The following ENOPH1 variants were observed in gnomAD, a reference collection of about 807,000 sequenced individuals.
ENOPH1 encodes enolase-phosphatase 1.
ENOPH1 carries 14 observed loss-of-function variants against 31.1 expected under a neutral mutation model. The observed-to-expected ratio is 0.45, with a 90% CI of 0.30 to 0.70. ENOPH1 has a LOEUF of 0.70. Among genes scored for constraint, ENOPH1 ranks in the 30% least tolerant of loss-of-function variants. The probability of loss-of-function intolerance (pLI) is 0.09; values close to 1 mark genes in which losing one functional copy is unlikely to be tolerated. For synonymous variants in ENOPH1, 127 were observed against 123.2 expected (o/e 1.03, Z -0.21); for missense variants, 243 against 321.5 (o/e 0.76, Z 1.87).
chr4:82,440,437 G>C (rs1722009257), intron 1 of ENOPH1, among the ~76,000 whole-genome samples: 1 of 152,180 alleles, frequency 6.6e-6, no homozygotes, highest in Non-Finnish European at 1.5e-5. Flanking sequence ...ATAGGCCTGG[G>C]TTTGAGTCCT....
chr4:82,430,767 C>T lies in ENOPH1; in HGVS notation c.-63C>T. ...AAGACGGTACCGGGGGCCGCAGCCG[C>T]AGCCGGCGCCGCCCTCCGCCCTCCC... On this transcript the variant is annotated 5_prime_UTR_variant, in exon 1 of 6. Transcript: ENST00000273920. 6.5e-7 allele frequency: 1 copy of T among 1,527,226 alleles called. No homozygotes were observed. The highest frequency in any genetic ancestry group is 9.1e-7 in the Non-Finnish European group (1 of 1,103,756). 94.6% of individuals were successfully genotyped at this position (1,527,226 alleles called of 1,614,324 possible).
intron 1 of ENOPH1, among the ~76,000 whole-genome samples, chr4:82,446,893 A>G (rs1722205737): frequency 6.8e-6 from 1 of 147,084 alleles, no homozygotes; most frequent in Non-Finnish European, 1.5e-5. Flanking sequence ...TTTTTAGTAG[A>G]GACGGGGTTT....
chr4:82,433,650 A>G (rs1721832892), intron 1 of ENOPH1, among the ~76,000 whole-genome samples: 2 of 152,212 alleles, frequency 1.3e-5, no homozygotes, highest in South Asian at 4.1e-4. Context: ...CATTAAATGC[A>G]CTTTTGGGAA....
chr4:82,459,295 G>A (rs181671264), intron 5 of ENOPH1, among the ~76,000 whole-genome samples: 22 of 152,048 alleles, frequency 1.4e-4, no homozygotes, highest in Non-Finnish European at 2.5e-4. Flanking sequence ...TCTTCTTTGT[G>A]TTTTTATTTT....
chr4:82,445,331 G>C (rs904521802), intron 1 of ENOPH1, among the ~76,000 whole-genome samples: 7 of 152,152 alleles, frequency 4.6e-5, no homozygotes, highest in Admixed American at 1.3e-4. Context: ...TTCTCAATAA[G>C]TATGTTGAAA....
chr4:82,456,812 C>A, intron 4 of ENOPH1, 103 bp from the exon 5 acceptor site: 2 of 1,412,982 alleles, frequency 1.4e-6, no homozygotes, highest in South Asian at 1.5e-5. Flanking sequence ...TCAGAAAATA[C>A]TGAACGAATG....
chr4:82,448,260 T>C (rs1396021150), intron 2 of ENOPH1, among the ~76,000 whole-genome samples: 2 of 132,750 alleles, frequency 1.5e-5, no homozygotes, highest in Admixed American at 1.4e-4. Context: ...TGTTTTGTTT[T>C]GTTTTTTTTG....
At chr4:82,445,413 T>A (rs2110041695) in intron 1 of ENOPH1, among the ~76,000 whole-genome samples, 1 of 152,338 alleles carries the variant, frequency 6.6e-6, no homozygotes, top group East Asian at 1.9e-4. Flanking sequence ...ACTTTTGCAC[T>A]AAAATAGTAC....
intron 4 of ENOPH1, among the ~76,000 whole-genome samples, chr4:82,455,742 T>C (rs571021617): frequency 2.4e-4 from 36 of 151,784 alleles, no homozygotes; most frequent in Admixed American, 6.6e-4. Context: ...GCTGAGATCG[T>C]GCCACTGCAC....
intron 3 of ENOPH1, among the ~76,000 whole-genome samples, chr4:82,453,686 G>T (rs1436106922): frequency 6.6e-6 from 1 of 152,162 alleles, no homozygotes; most frequent in Admixed American, 6.5e-5. Context: ...TTTTAGAGAT[G>T]ACTGGTTCTA....
chr4:82,442,241 C>G (rs1254499322), intron 1 of ENOPH1, among the ~76,000 whole-genome samples: 1 of 152,166 alleles, frequency 6.6e-6, no homozygotes, highest in Admixed American at 6.5e-5. Context: ...TGTCAGCAGG[C>G]CAGCTTGGTG....
chr4:82,439,461 A>G (rs570430897), intron 1 of ENOPH1, among the ~76,000 whole-genome samples: 2 of 152,312 alleles, frequency 1.3e-5, no homozygotes, highest in Non-Finnish European at 2.9e-5. Context: ...CTGGTCTTGT[A>G]TGGGTCCAAG....
chr4:82,445,613 T>G (rs1257383587), intron 1 of ENOPH1, among the ~76,000 whole-genome samples: 2 of 152,180 alleles, frequency 1.3e-5, no homozygotes, highest in Non-Finnish European at 2.9e-5. Flanking sequence ...TGCATCACCA[T>G]GCCCAGCTAG....
Position 82,430,630 on chromosome 4 carries a change from T to G in ENOPH1, c.-200T>G. On this transcript the variant is annotated 5_prime_UTR_variant, in exon 1 of 6. Transcript: ENST00000273920. ...CCCGTCCTGCTCACGAGTTCAGGGC[T>G]CCTGGGCGGCCGCCTTTTCCAGTTC... The G allele has an allele frequency of 1.7e-6, 1 of 574,100 alleles. No individual in the cohort carries two copies. Among genetic ancestry groups the G allele is most frequent in the Non-Finnish European group, 3.1e-6 (1 of 321,130 alleles). 35.6% of individuals were successfully genotyped at this position (574,100 alleles called of 1,614,324 possible).
At chr4:82,452,178 G>A (rs957186723) in intron 3 of ENOPH1, among the ~76,000 whole-genome samples, 3 of 151,488 alleles carry the variant, frequency 2.0e-5, no homozygotes, top group South Asian at 2.1e-4. Context: ...TGAACCTCCC[G>A]CCTCAGCCTC....
intron 3 of ENOPH1, 141 bp from the exon 4 acceptor site, chr4:82,454,581 C>T: frequency 1.2e-6 from 1 of 808,042 alleles, no homozygotes; most frequent in Non-Finnish European, 1.9e-6. Flanking sequence ...ATTAGAACTG[C>T]AGGAGTTTGT....
chr4:82,455,408 C>T (rs1341379032), intron 4 of ENOPH1, among the ~76,000 whole-genome samples: 2 of 152,150 alleles, frequency 1.3e-5, no homozygotes, highest in Non-Finnish European at 2.9e-5. Flanking sequence ...CCAAACTTAA[C>T]AATAGGTAAC....
intron 1 of ENOPH1, among the ~76,000 whole-genome samples, chr4:82,445,725 G>A (rs1477854150): frequency 6.6e-6 from 1 of 152,224 alleles, no homozygotes. Flanking sequence ...TTACAGGCAT[G>A]AGCCACCATG....
intron 1 of ENOPH1, among the ~76,000 whole-genome samples, chr4:82,439,784 T>G (rs1244642855): frequency 2.0e-5 from 3 of 152,092 alleles, no homozygotes; most frequent in African/African-American, 7.2e-5. Context: ...CTGAATATAT[T>G]TTGAAGGTAG....
Sources: allele counts gnomAD v4.1 joint callset (sites outside exome capture counted in the v4.1 genomes callset), GRCh38; gene constraint gnomAD v4.1.1; transcripts MANE v1.5; gene names NCBI Gene and HGNC (gene_info 2026-07-23, HGNC 2026-07-21).